ZFP14: variants seen among roughly 807,000 people sequenced by gnomAD.
ZFP14 encodes the protein zinc finger protein 14 homolog.
ZFP14 carries 22 observed loss-of-function variants against 54.5 expected under a neutral mutation model. The ratio of observed to expected loss-of-function variants is 0.40; its 90% CI spans 0.29 to 0.58. The LOEUF is 0.58. Ranked by LOEUF, ZFP14 falls within the 20% of genes least tolerant of loss-of-function variation. The pLI is 0.39. For synonymous variants in ZFP14, 159 were observed against 204.0 expected (o/e 0.78, Z 1.88); for missense variants, 470 against 637.8 (o/e 0.74, Z 2.83).
chr19:36,342,175 CTTTTT>C (rs35293783), intron 4 of ZFP14, among the ~76,000 whole-genome samples: 2 of 74,606 alleles, frequency 2.7e-5, no homozygotes, highest in African/African-American at 5.5e-5. Context: ...CATTCTATGC[CTTTTT>C]TTTTTTTTTT....
intron 1 of ZFP14, among the ~76,000 whole-genome samples, chr19:36,374,407 T>C (rs1331046249): frequency 2.6e-5 from 4 of 151,376 alleles, no homozygotes; most frequent in Non-Finnish European, 5.9e-5. Flanking sequence ...GAAGAATCGC[T>C]TGAACCCAGG....
chr19:36,363,088 T>C (rs1226104479), intron 2 of ZFP14, among the ~76,000 whole-genome samples: 7 of 152,130 alleles, frequency 4.6e-5, no homozygotes. Context: ...CTATCATCTC[T>C]TGAACATTGT....
At chr19:36,367,803 G>T in intron 2 of ZFP14, 81 bp downstream of exon 2, 3 of 1,507,362 alleles carry the variant, frequency 2.0e-6, no homozygotes, top group Non-Finnish European at 2.7e-6. Context: ...TAAGCAGGAA[G>T]TTTCAGAATA....
At chr19:36,364,614 T>C (rs549193190) in intron 2 of ZFP14, among the ~76,000 whole-genome samples, 2 of 152,232 alleles carry the variant, frequency 1.3e-5, no homozygotes, top group Admixed American at 1.3e-4. Flanking sequence ...ACATGAAAGT[T>C]TAGGCCTTAT....
intron 1 of ZFP14, among the ~76,000 whole-genome samples, chr19:36,375,301 T>G (rs976569575): frequency 6.6e-6 from 1 of 152,150 alleles, no homozygotes; most frequent in East Asian, 1.9e-4. Context: ...CAGTATAATC[T>G]GGACAAAACT....
Position 36,340,233 on chromosome 19 carries a change from A to T in ZFP14, c.1593T>A (p.Asn531Lys). The T allele has an allele frequency of 6.4e-7, 1 of 1,566,738 alleles. No homozygotes were observed. The highest frequency in any genetic ancestry group is 8.6e-7 in the Non-Finnish European group (1 of 1,157,612). The change falls in exon 5 of 5, where the codon AAT becomes AAA. Residue 531 changes from asparagine to lysine, a missense_variant. By Grantham distance (94) the Asn-to-Lys change is moderately conservative. Coordinates refer to ENST00000270001, the MANE Select transcript of ZFP14 (RefSeq NM_020917.3). This position sits in a 1 kb window ranked among gnomAD's most constrained non-coding sequence, Gnocchi z 5.4. ...SHLTQHQKIH[N>K]GI ...TGAAGGCTTTCTTCTATTAAATTCC[A>T]TTATGAATCTTCTGATGCTGAGTAA...
chr19:36,364,029 C>T (rs1046024153), intron 2 of ZFP14, among the ~76,000 whole-genome samples: 1 of 151,950 alleles, frequency 6.6e-6, no homozygotes, highest in East Asian at 1.9e-4. Flanking sequence ...GTTGAGAAAT[C>T]CTGCTCTAGA....
intron 1 of ZFP14, among the ~76,000 whole-genome samples, chr19:36,369,409 G>GT (rs926715760): frequency 1.4e-4 from 21 of 151,432 alleles, no homozygotes; most frequent in South Asian, 6.3e-4. Flanking sequence ...TTTTGGTTTT[G>GT]TTTTTTTTGT....
At chr19:36,361,101 T>C (rs1310389008) in intron 3 of ZFP14, among the ~76,000 whole-genome samples, 1 of 152,250 alleles carries the variant, frequency 6.6e-6, no homozygotes, top group Non-Finnish European at 1.5e-5. Flanking sequence ...GATGAGTGCA[T>C]ACTAAAAGGT....
chr19:36,339,431 T>C lies in ZFP14; in HGVS notation c.*793A>G, dbSNP rs1160838978. On this transcript the variant is annotated 3_prime_UTR_variant, in exon 5 of 5. Transcript: ENST00000270001. ...TCATCCCGTTCTCTTGAGTGTGGAC[T>C]ATCCTAGTAACTTACTTCTACCAGT... The C allele has an allele frequency of 6.6e-6, 1 of 152,236 alleles. No homozygotes were observed. Among genetic ancestry groups the C allele is most frequent in the Non-Finnish European group, 1.5e-5 (1 of 68,046 alleles). 9.4% of individuals were successfully genotyped at this position (152,236 alleles called of 1,614,324 possible). A position where few individuals can be genotyped will look rare whatever the true frequency, so the allele number is the denominator to read the frequency against.
chr19:36,360,359 G>C, intron 4 of ZFP14, 76 bp downstream of exon 4: 1 of 1,322,096 alleles, frequency 7.6e-7, no homozygotes, highest in Non-Finnish European at 1.0e-6. Flanking sequence ...ACATCTCAAG[G>C]GTGTGCCTCC....
intron 4 of ZFP14, among the ~76,000 whole-genome samples, chr19:36,350,749 T>C (rs1004343388): frequency 7.0e-6 from 1 of 142,240 alleles, no homozygotes; most frequent in African/African-American, 2.6e-5. Flanking sequence ...CACAGTAATC[T>C]GTTAAAAAAA....
chr19:36,342,628 G>A (rs921373267), intron 4 of ZFP14, among the ~76,000 whole-genome samples: 1 of 152,166 alleles, frequency 6.6e-6, no homozygotes, highest in Non-Finnish European at 1.5e-5. Flanking sequence ...CAGGTCCTGA[G>A]ACACTGTACA....
intron 4 of ZFP14, among the ~76,000 whole-genome samples, chr19:36,346,748 G>A (rs1176024748): frequency 6.6e-6 from 1 of 152,168 alleles, no homozygotes; most frequent in African/African-American, 2.4e-5. Context: ...AAGCCACTGC[G>A]CCCAGCCGCT....
intron 1 of ZFP14, among the ~76,000 whole-genome samples, chr19:36,370,178 A>C (rs1445756168): frequency 1.3e-5 from 2 of 152,194 alleles, no homozygotes; most frequent in Admixed American, 6.5e-5. Context: ...ATAAGAAAAG[A>C]AGCATTGAAG....
rs1052484034 is a variant in ZFP14, at chr19:36,337,433, A to T, written c.*2791T>A. 8 of 152,314 alleles carry T rather than the reference A, an allele frequency of 5.3e-5. No individual in the cohort carries two copies. The highest frequency in any genetic ancestry group is 1.9e-4 in the African/African-American group (8 of 41,554). 9.4% of individuals were successfully genotyped at this position (152,314 alleles called of 1,614,324 possible). Reference sequence around the variant, plus strand: ...ACAATAAAAATAAAATACAATAAAAATAATGCAAATTGAAAAATACAGTAT... The same window carrying T: ...ACAATAAAAATAAAATACAATAAAATTAATGCAAATTGAAAAATACAGTAT... On this transcript the variant is annotated 3_prime_UTR_variant, in exon 5 of 5. Coordinates refer to ENST00000270001, the MANE Select transcript of ZFP14 (RefSeq NM_020917.3).
chr19:36,348,996 G>C (rs2031466711), intron 4 of ZFP14, among the ~76,000 whole-genome samples: 1 of 151,868 alleles, frequency 6.6e-6, no homozygotes, highest in Non-Finnish European at 1.5e-5. Flanking sequence ...GGGAGGCCGA[G>C]GTGGGCAGAT....
chr19:36,370,886 G>A (rs188951771), intron 1 of ZFP14, among the ~76,000 whole-genome samples: 1 of 152,308 alleles, frequency 6.6e-6, no homozygotes, highest in East Asian at 1.9e-4. Flanking sequence ...CAACAATCAG[G>A]GAAACATGAC....
At chr19:36,352,940 CA>C (rs35784696) in intron 4 of ZFP14, among the ~76,000 whole-genome samples, 7,163 of 93,718 alleles carry the variant, frequency 0.076, 742 homozygotes, top group Non-Finnish European at 0.097. Context: ...GACTCTGTCT[CA>C]AAAAAAAAAA....
Sources: gnomAD v4.1 joint callset for allele counts (sites outside exome capture counted in the v4.1 genomes callset) on GRCh38, gnomAD v4.1.1 for gene constraint, Gnocchi (gnomAD v3.1) non-coding constraint, MANE v1.5 for transcripts, NCBI Gene and HGNC (gene_info 2026-07-23, HGNC 2026-07-21) for gene names.